The following SLC35F5 variants were observed in gnomAD, a reference collection of about 807,000 sequenced individuals.
SLC35F5 encodes the protein HCV NS5A-transactivated protein 3.
A neutral mutation model predicts 68.6 loss-of-function variants in SLC35F5; 54 were observed. That is an observed-to-expected ratio of 0.79 (90% CI 0.63 to 0.99). The LOEUF (loss-of-function observed/expected upper bound fraction) is 0.99, where lower values mean the gene tolerates loss of function less well. Among genes scored for constraint, SLC35F5 ranks in the 50% least tolerant of loss-of-function variants. The pLI, the probability that SLC35F5 is intolerant of heterozygous loss-of-function variation, is 0.00. For missense variants in SLC35F5, 567 were observed against 626.9 expected, an observed-to-expected ratio of 0.90 and a Z score of 1.02; for synonymous variants, 211 against 205.2, an observed-to-expected ratio of 1.03 and a Z score of -0.24.
chr2:113,722,999 ATTAT>A, intron 13 of SLC35F5, 101 bp downstream of exon 13: 1 of 649,458 alleles, frequency 1.5e-6, no homozygotes, highest in Admixed American at 3.1e-5. Flanking sequence ...AGCATCAAGT[ATTAT>A]TTATGTTTGT....
At chr2:113,755,876 TC>T in intron 1 of SLC35F5, 1 of 1,550,628 alleles carries the variant, frequency 6.4e-7, no homozygotes, top group Non-Finnish European at 8.7e-7. Context: ...GAGGAATCCA[TC>T]CCTGGGGACA....
chr2:113,742,240 T>G (rs1465825198), intron 7 of SLC35F5: 1 of 158,750 alleles, frequency 6.3e-6, no homozygotes, highest in Non-Finnish European at 1.4e-5. Context: ...TACTGAGTAC[T>G]TGACAAAATA....
At chr2:113,704,039 G>A (rs1190433037), downstream of SLC35F5, 1 of 152,366 alleles carries the variant, frequency 6.6e-6, no homozygotes, top group African/African-American at 2.4e-5. Flanking sequence ...CAGGAGTGAA[G>A]CTGCGGACCT....
At position 113,706,716 on chromosome 2, in the gene SLC35F5, A is replaced by T. The variant is rs1316507648; in HGVS notation, c.*8502T>A. 6.6e-6 allele frequency among the ~76,000 whole-genome samples: 1 copy of T among 152,236 alleles called. No individual in the cohort carries two copies. Among genetic ancestry groups the T allele is most frequent in the African/African-American group, 2.4e-5 (1 of 41,454 alleles). ...ATCTTAGAGACTAAGGTGTGAAAGA[A>T]TGAATGAGTGAAAATGTTTTAATAA... On this transcript the variant is annotated 3_prime_UTR_variant, in exon 16 of 16. Transcript: ENST00000245680.
At chr2:113,749,127 G>A (rs769656091) in intron 4 of SLC35F5, among the ~76,000 whole-genome samples, 10 of 152,134 alleles carry the variant, frequency 6.6e-5, no homozygotes, top group African/African-American at 2.4e-5. Context: ...TGAGGCTCAA[G>A]AGATCTGCCT....
chr2:113,750,252 T>C (rs1030992536), intron 4 of SLC35F5, among the ~76,000 whole-genome samples, 173 bp downstream of exon 4: 3 of 152,212 alleles, frequency 2.0e-5, no homozygotes, highest in Non-Finnish European at 4.4e-5. Flanking sequence ...ACTACTTAAT[T>C]AGAAGAATAA....
intron 10 of SLC35F5, among the ~76,000 whole-genome samples, chr2:113,731,137 C>G (rs1687867008): frequency 6.6e-6 from 1 of 152,236 alleles, no homozygotes; most frequent in Admixed American, 6.5e-5. Flanking sequence ...GAGGAACATT[C>G]TACAAACCAA....
At position 113,709,547 on chromosome 2, in the gene SLC35F5, T is replaced by A. The variant is rs1024158669; in HGVS notation, c.*5671A>T. ...TTCTCACAGTCTCAGGCAGGTTGCATTAACCTCCACTTCACAGCTAAGTAA... is the reference window on the plus strand; with the variant it reads ...TTCTCACAGTCTCAGGCAGGTTGCAATAACCTCCACTTCACAGCTAAGTAA... On this transcript the variant is annotated 3_prime_UTR_variant, in exon 16 of 16. Coordinates refer to ENST00000245680, the MANE Select transcript of SLC35F5 (RefSeq NM_025181.5). Among the ~76,000 whole-genome samples the A allele has an allele frequency of 2.6e-5, 4 of 152,186 alleles. No individual in the cohort carries two copies. Among genetic ancestry groups the A allele is most frequent in the Non-Finnish European group, 5.9e-5 (4 of 68,012 alleles).
At chr2:113,726,716 T>C (rs1687678343) in intron 11 of SLC35F5, among the ~76,000 whole-genome samples, 2 of 152,158 alleles carry the variant, frequency 1.3e-5, no homozygotes. Context: ...CTGCAGCTCA[T>C]GACTAATTGA....
intron 4 of SLC35F5, among the ~76,000 whole-genome samples, chr2:113,748,636 T>G (rs1419606627): frequency 6.6e-6 from 1 of 152,184 alleles, no homozygotes; most frequent in African/African-American, 2.4e-5. Context: ...ACACATACAA[T>G]TTATCCCTAC....
chr2:113,752,005 A>T (rs1239070665), intron 3 of SLC35F5, among the ~76,000 whole-genome samples: 3 of 152,158 alleles, frequency 2.0e-5, no homozygotes, highest in Non-Finnish European at 2.9e-5. Context: ...TGAGGTCAGG[A>T]GTTCAAGACC....
At chr2:113,703,162 T>TTCTC (rs142671681), downstream of SLC35F5, among the ~76,000 whole-genome samples, 802 of 147,296 alleles carry the variant, frequency 5.4e-3, 9 homozygotes, top group African/African-American at 0.017. Context: ...ATGAATCTCT[T>TTCTC]TCTCTCTCTC....
At chr2:113,752,849 A>G (rs1318246470) in intron 3 of SLC35F5, among the ~76,000 whole-genome samples, 1 of 152,216 alleles carries the variant, frequency 6.6e-6, no homozygotes, top group South Asian at 2.1e-4. Flanking sequence ...ATTACAGTTA[A>G]TTGTGTTAAC....
In SLC35F5 at chr2:113,709,459, G is replaced by T. The variant is rs889484917; in HGVS notation, c.*5759C>A. 2.0e-5 allele frequency among the ~76,000 whole-genome samples: 3 copies of T among 152,212 alleles called. No individual in the cohort carries two copies. Among genetic ancestry groups the T allele is most frequent in the Non-Finnish European group, 4.4e-5 (3 of 68,038 alleles). On this transcript the variant is annotated 3_prime_UTR_variant, in exon 16 of 16. Coordinates refer to ENST00000245680, the MANE Select transcript of SLC35F5 (RefSeq NM_025181.5). ...GAAGAGTGAGGGAAGGACGGACCAT[G>T]GGAGTCAGCATTTTTCAAGCATCCA...
rs1687613928 is a variant in SLC35F5, at chr2:113,725,255, A to C, written c.1250+123T>G. On this transcript the variant is annotated intron_variant, in intron 12 of 15. Coordinates refer to ENST00000245680, the MANE Select transcript of SLC35F5 (RefSeq NM_025181.5). ...CTGCTCTAGTGGAGTTAAAGTATTC[A>C]GTTGTATGTGTGTTGCAGAATGGGG... 6 of 817,034 alleles carry C rather than the reference A, an allele frequency of 7.3e-6. 1 individual carries two copies. In the South Asian group the frequency reaches 9.9e-5, roughly 13 times the overall value. The allele number at this position is 817,034 out of a possible 1,614,324, so 50.6% of individuals were successfully genotyped here.
downstream of SLC35F5, chr2:113,703,705 T>C (rs1157650858): frequency 6.6e-6 from 1 of 152,242 alleles, no homozygotes; most frequent in Non-Finnish European, 1.5e-5. Context: ...ACTTTGCTTT[T>C]GTTTCCTGGT....
Position 113,729,451 on chromosome 2 carries a change from A to G in SLC35F5, c.1040T>C (p.Ile347Thr). ...GTCTTCTCTATCTACTTTTCTCTTA[A>G]TCATAACAATATAGACAGCATAGAG... ...AMLYAVYIVM[I>T]KRKVDREDKL... The change falls in exon 11 of 16, where the codon ATT (isoleucine) becomes ACT (threonine). Residue 347 changes from isoleucine (I) to threonine (T), a missense_variant. By Grantham distance (89) the Ile-to-Thr change is moderately conservative. Transcript: ENST00000245680. 1 of 1,595,810 alleles carries G rather than the reference A, an allele frequency of 6.3e-7. No homozygotes were observed. Among genetic ancestry groups the G allele is most frequent in the Non-Finnish European group, 8.5e-7 (1 of 1,171,622 alleles).
At chr2:113,755,922 G>T (rs1271641189) in intron 1 of SLC35F5, 7 of 1,550,482 alleles carry the variant, frequency 4.5e-6, no homozygotes, top group African/African-American at 1.4e-5. Context: ...TGTCTTTTCT[G>T]TCCCTGATCT....
At chr2:113,736,749 C>G (rs17048506) in intron 7 of SLC35F5, among the ~76,000 whole-genome samples, 21,865 of 152,102 alleles carry the variant, frequency 0.14, 1,697 homozygotes, top group African/African-American at 0.19. Context: ...GTTCTCATAA[C>G]TTTGGATACA....
Sources: allele counts gnomAD v4.1 joint callset (sites outside exome capture counted in the v4.1 genomes callset), GRCh38; gene constraint gnomAD v4.1.1; transcripts MANE v1.5; gene names NCBI Gene and HGNC (gene_info 2026-07-23, HGNC 2026-07-21).